Variants in TMTC1 observed in about 807,000 individuals in gnomAD.
TMTC1 encodes transmembrane O-mannosyltransferase targeting cadherins 1.
A neutral mutation model predicts 104.8 loss-of-function variants in TMTC1; 73 were observed. The ratio of observed to expected loss-of-function variants is 0.70; its 90% CI spans 0.58 to 0.85. The LOEUF (loss-of-function observed/expected upper bound fraction) is 0.85, where lower values mean the gene tolerates loss of function less well. TMTC1 is among the 40% of genes least tolerant of loss of function. The pLI, the probability that TMTC1 is intolerant of heterozygous loss-of-function variation, is 0.00. For synonymous variants in TMTC1, 434 were observed against 428.7 expected, an observed-to-expected ratio of 1.01 and a Z score of -0.15; for missense variants, 1,035 against 1,096.1, an observed-to-expected ratio of 0.94 and a Z score of 0.79.
At chr12:29,650,161 G>A (rs908854134) in intron 5 of TMTC1, among the ~76,000 whole-genome samples, 1 of 150,222 alleles carries the variant, frequency 6.7e-6, no homozygotes, top group Non-Finnish European at 1.5e-5. Flanking sequence ...TCAGCTCACT[G>A]CAACCTCTGC....
At chr12:29,584,682 A>T (rs528257796) in intron 7 of TMTC1, among the ~76,000 whole-genome samples, 1 of 152,132 alleles carries the variant, frequency 6.6e-6, no homozygotes, top group South Asian at 2.1e-4. Context: ...GAGTGAGAAC[A>T]TGCGGTGTTT....
At chr12:29,616,282 C>T (rs12372765) in intron 6 of TMTC1, among the ~76,000 whole-genome samples, 56,279 of 152,044 alleles carry the variant, frequency 0.37, 10,815 homozygotes, top group East Asian at 0.46. Flanking sequence ...GTTCTCACTT[C>T]AGGAGTTTCT....
chr12:29,580,234 G>A (rs1169875076), intron 8 of TMTC1, among the ~76,000 whole-genome samples: 3 of 152,090 alleles, frequency 2.0e-5, no homozygotes, highest in Non-Finnish European at 2.9e-5. Flanking sequence ...TGAGAAGATC[G>A]CTTGAGTCTG....
rs1464604746 is a variant in TMTC1, at chr12:29,736,553, G to C, written c.938+15113C>G. Among the ~76,000 whole-genome samples the C allele has an allele frequency of 4.6e-5, 7 of 151,998 alleles. 1 individual carries two copies. The stretch of plus-strand genomic sequence containing the variant: ...TCCTGCCTCAGCCTCCTGAGTAGGG[G>C]GGATTACAGGTGCCCACCACCACGC... On this transcript the variant is annotated intron_variant, in intron 5 of 17. Coordinates refer to ENST00000539277, the MANE Select transcript of TMTC1 (RefSeq NM_001193451.2).
In TMTC1 at chr12:29,514,707, A is replaced by G. The variant is rs1943935037; in HGVS notation, c.2308-103T>C. On this transcript the variant is annotated intron_variant, in intron 15 of 17. Coordinates refer to ENST00000539277, the MANE Select transcript of TMTC1 (RefSeq NM_001193451.2). ...TTTTTGTTCCTATGTGTCAGCAGGT[A>G]TGGTATGTGACAATCAAAGTACAAT... 4.0e-6 allele frequency: 5 copies of G among 1,255,844 alleles called. No individual in the cohort carries two copies. In the South Asian group the frequency reaches 5.9e-5, roughly 15 times the overall value. The allele number at this position is 1,255,844 out of a possible 1,614,324, so 77.8% of individuals were successfully genotyped here.
Position 29,506,990 on chromosome 12 carries a change from G to A in TMTC1, c.2509-4C>T, listed in dbSNP as rs935053646. 5.0e-6 allele frequency: 8 copies of A among 1,612,622 alleles called. No individual in the cohort carries two copies. The highest frequency in any genetic ancestry group is 1.1e-5 in the South Asian group (1 of 91,036). On this transcript the variant is annotated splice_region_variant and splice_polypyrimidine_tract_variant and intron_variant, in intron 17 of 17. Coordinates refer to ENST00000539277, the MANE Select transcript of TMTC1 (RefSeq NM_001193451.2). ...CTCTTGCAGACACATATTTTCCCTG[G>A]GGGTGGGAAAGAGGGAGCAATTACA...
chr12:29,514,573 A>G lies in TMTC1; in HGVS notation c.2339T>C (p.Leu780Pro). The G allele has an allele frequency of 6.2e-7, 1 of 1,614,088 alleles. No individual in the cohort carries two copies. The highest frequency in any genetic ancestry group is 1.1e-5 in the South Asian group (1 of 91,088). ...AATGACTTTTGGGTCCTTTGGTTTC[A>G]GCTGGAGAGCCTTGTCTATAGCATC... ...ALDAIDKALQLKPKDPKVISE... is the reference protein window; with the variant it reads ...ALDAIDKALQPKPKDPKVISE... Residue 780 changes from leucine to proline, a missense_variant, in exon 16 of 18, where the codon CTG (leucine) becomes CCG (proline). Coordinates refer to ENST00000539277, the MANE Select transcript of TMTC1 (RefSeq NM_001193451.2).
chr12:29,536,075 C>T (rs1944633770), intron 11 of TMTC1, 134 bp downstream of exon 11: 1 of 657,732 alleles, frequency 1.5e-6, no homozygotes, highest in Admixed American at 2.9e-5. Flanking sequence ...TAATTTCTGT[C>T]CAAAAGAAAC....
At chr12:29,712,911 C>T (rs1477571992) in intron 5 of TMTC1, among the ~76,000 whole-genome samples, 1 of 152,066 alleles carries the variant, frequency 6.6e-6, no homozygotes, top group African/African-American at 2.4e-5. Flanking sequence ...TTTTATGTGC[C>T]AATTTGTCTA....
chr12:29,557,022 G>C, intron 9 of TMTC1, 22 bp from the exon 10 acceptor site: 1 of 1,611,688 alleles, frequency 6.2e-7, no homozygotes, highest in South Asian at 1.1e-5. Flanking sequence ...AAAATATTAA[G>C]CTGTGATGGT....
At chr12:29,737,310 G>A (rs1056473212) in intron 5 of TMTC1, among the ~76,000 whole-genome samples, 3 of 152,114 alleles carry the variant, frequency 2.0e-5, no homozygotes, top group East Asian at 1.9e-4. Flanking sequence ...CTTGAGGTCC[G>A]GAATTCAAGA....
In TMTC1 at chr12:29,752,311, G is replaced by A. The variant is rs115801129; in HGVS notation, c.732-439C>T. ...TTTTTTTCTGTTATGAATTCTCTGA[G>A]AAACCACTCAGTTATGTGAGTAACT... is the stretch of plus-strand genomic sequence containing the variant. On this transcript the variant is annotated intron_variant, in intron 4 of 17. Transcript: ENST00000539277. 7.7e-3 allele frequency among the ~76,000 whole-genome samples: 1,165 copies of A among 152,140 alleles called. 13 individuals carry two copies. The highest frequency in any genetic ancestry group is 0.026 in the African/African-American group (1,069 of 41,482).
intron 5 of TMTC1, among the ~76,000 whole-genome samples, chr12:29,685,160 C>T (rs559974950): frequency 4.6e-5 from 7 of 151,996 alleles, no homozygotes; most frequent in Admixed American, 6.5e-5. Context: ...AACTAGATAT[C>T]AAGTACTATC....
intron 5 of TMTC1, among the ~76,000 whole-genome samples, chr12:29,660,433 C>G (rs1361681771): frequency 6.6e-6 from 1 of 152,116 alleles, no homozygotes; most frequent in Non-Finnish European, 1.5e-5. Flanking sequence ...AGGGCAAATA[C>G]AGGGTTGTTA....
At chr12:29,509,244 T>C (rs887811292) in intron 17 of TMTC1, among the ~76,000 whole-genome samples, 4 of 152,228 alleles carry the variant, frequency 2.6e-5, no homozygotes, top group African/African-American at 9.6e-5. Context: ...GCCTGGTTGA[T>C]GCAACTCTTT....
At chr12:29,732,737 T>C (rs1942577334) in intron 5 of TMTC1, among the ~76,000 whole-genome samples, 1 of 152,146 alleles carries the variant, frequency 6.6e-6, no homozygotes, top group African/African-American at 2.4e-5. Flanking sequence ...GTGGCATCAT[T>C]AAAGGGCTCT....
Position 29,583,481 on chromosome 12 carries a change from C to T in TMTC1, c.1344G>A (p.Val448=). ...CGATTLIVST[V]LLLLLFSWKT... ...TCCAAGAGAAAAGCAACAGCAGCAA[C>T]ACAGTGGACACAATCAGGGTGGTGG... The change falls in exon 8 of 18, where the codon GTG becomes GTA. Residue 448 remains valine (V), a synonymous_variant. Coordinates refer to ENST00000539277, the MANE Select transcript of TMTC1 (RefSeq NM_001193451.2). 8 of 1,613,974 alleles carry T rather than the reference C, an allele frequency of 5.0e-6. No homozygotes were observed. Among genetic ancestry groups the T allele is most frequent in the Non-Finnish European group, 6.8e-6 (8 of 1,179,924 alleles).
chr12:29,654,549 C>T (rs537452781), intron 5 of TMTC1, among the ~76,000 whole-genome samples: 1 of 152,212 alleles, frequency 6.6e-6, no homozygotes, highest in East Asian at 1.9e-4. Flanking sequence ...CTGGCAGTTC[C>T]TCAAAAAGTA....
At chr12:29,675,546 A>G (rs144822928) in intron 5 of TMTC1, among the ~76,000 whole-genome samples, 199 of 152,082 alleles carry the variant, frequency 1.3e-3, no homozygotes, top group South Asian at 5.2e-3. Context: ...TGCAAAAGTC[A>G]AAGAAAAAAG....
Sources: gnomAD v4.1 joint callset for allele counts (sites outside exome capture counted in the v4.1 genomes callset) on GRCh38, gnomAD v4.1.1 for gene constraint, MANE v1.5 for transcripts, NCBI Gene and HGNC (gene_info 2026-07-23, HGNC 2026-07-21) for gene names.